The following PCCB variants were observed in gnomAD, a reference collection of about 807,000 sequenced individuals.
The protein encoded by PCCB is propionyl-CoA carboxylase beta chain, mitochondrial.
A neutral mutation model predicts 60.7 loss-of-function variants in PCCB; 43 were observed. That is an observed-to-expected ratio of 0.71 (90% confidence interval 0.55 to 0.91). The LOEUF is 0.91. Ranked by LOEUF, PCCB falls within the 40% of genes least tolerant of loss-of-function variation. PCCB has a pLI of 0.00. For missense variants in PCCB, 766 were observed against 702.8 expected (o/e 1.09, Z -1.02); for synonymous variants, 276 against 255.9 (o/e 1.08, Z -0.75).
chr3:136,295,633 T>C (rs796951007), intron 7 of PCCB, among the ~76,000 whole-genome samples: 6 of 152,294 alleles, frequency 3.9e-5, no homozygotes, highest in African/African-American at 1.4e-4. Context: ...TGTTTATTTT[T>C]CCCCATTTTA....
intron 1 of PCCB, 47 bp downstream of exon 1, chr3:136,250,605 C>T: frequency 6.4e-7 from 1 of 1,556,348 alleles, no homozygotes. Flanking sequence ...GCGTCCGCGA[C>T]CTATCACTGC....
chr3:136,261,840 G>C, intron 4 of PCCB, 112 bp from the exon 5 acceptor site: 1 of 748,250 alleles, frequency 1.3e-6, no homozygotes, highest in South Asian at 1.5e-5. Flanking sequence ...ACTGCCTCCT[G>C]TTTTGAAAAG....
chr3:136,319,311 C>T (rs1935025722), intron 10 of PCCB, among the ~76,000 whole-genome samples: 1 of 150,830 alleles, frequency 6.6e-6, no homozygotes, highest in African/African-American at 2.4e-5. Context: ...TAAACTCTTA[C>T]ATTTGACTTA....
Position 136,301,061 on chromosome 3 carries a change from G to A in PCCB, c.916G>A (p.Val306Ile), listed in dbSNP as rs774634219. ...DRLVPELDTI[V>I]PLESTKAYNM... Reference sequence around the variant, plus strand: ...TCTGGTTCCTGAGCTTGACACAATTGTCCCTTTGGAATCAACCAAAGCCTA... The same window carrying A: ...TCTGGTTCCTGAGCTTGACACAATTATCCCTTTGGAATCAACCAAAGCCTA... Residue 306 changes from valine to isoleucine, a missense_variant, in exon 9 of 15, where the codon GTC (valine) becomes ATC (isoleucine). Physicochemically the swap from Val to Ile is conservative, Grantham distance 29 (BLOSUM62 3). Transcript: ENST00000251654. 6.2e-7 allele frequency: 1 copy of A among 1,614,030 alleles called. No individual in the cohort carries two copies. The highest frequency in any genetic ancestry group is 1.1e-5 in the South Asian group (1 of 91,076).
intron 1 of PCCB, among the ~76,000 whole-genome samples, chr3:136,254,214 TTTTTTGTTTG>T (rs1278563264): frequency 6.6e-6 from 1 of 151,516 alleles, no homozygotes; most frequent in Non-Finnish European, 1.5e-5. Flanking sequence ...ATGGCGGCTT[TTTTTTGTTTG>T]TTTTTGTTTT....
chr3:136,255,895 G>A lies in PCCB; in HGVS notation c.223G>A (p.Asp75Asn). The part of the protein sequence containing the change: ...TARERISLLL[D>N]PGSFVESDMF... ...CAGGGAGAGGATCAGTCTCTTGCTGGACCCTGGCAGCTTTGTTGAGAGCGA... is the reference window on the plus strand; with the variant it reads ...CAGGGAGAGGATCAGTCTCTTGCTGAACCCTGGCAGCTTTGTTGAGAGCGA... The change falls in exon 2 of 15, where the codon GAC (aspartate) becomes AAC (asparagine). Residue 75 changes from aspartate (D) to asparagine (N), a missense_variant. Coordinates refer to ENST00000251654, the MANE Select transcript of PCCB (RefSeq NM_000532.5). 2 of 1,614,096 alleles carry A rather than the reference G, an allele frequency of 1.2e-6. No homozygotes were observed. Among genetic ancestry groups the A allele is most frequent in the Non-Finnish European group, 1.7e-6 (2 of 1,179,982 alleles).
At chr3:136,308,121 A>G (rs556221885) in intron 9 of PCCB, among the ~76,000 whole-genome samples, 63 of 152,296 alleles carry the variant, frequency 4.1e-4, no homozygotes, top group African/African-American at 1.4e-3. Context: ...CAGAAAGGCT[A>G]AAAATAAGGA....
intron 5 of PCCB, among the ~76,000 whole-genome samples, chr3:136,266,667 A>G (rs1469867959): frequency 3.3e-5 from 5 of 152,186 alleles, no homozygotes; most frequent in African/African-American, 1.2e-4. Flanking sequence ...CAGATGACTA[A>G]TCATGTTGAG....
At position 136,255,879 on chromosome 3, in the gene PCCB, G is replaced by C. The variant is rs766168941; in HGVS notation, c.207G>C (p.Arg69Ser). The change falls in exon 2 of 15, where the codon AGG (arginine) becomes AGC (serine). Residue 69 changes from arginine (R) to serine (S), a missense_variant. Coordinates refer to ENST00000251654, the MANE Select transcript of PCCB (RefSeq NM_000532.5). ...AGGGAAAGCTAACAGCCAGGGAGAG[G>C]ATCAGTCTCTTGCTGGACCCTGGCA... ...HKRGKLTARERISLLLDPGSF... is the reference protein window; with the variant it reads ...HKRGKLTARESISLLLDPGSF... 6.2e-7 allele frequency: 1 copy of C among 1,613,988 alleles called. No individual in the cohort carries two copies. Among genetic ancestry groups the C allele is most frequent in the African/African-American group, 1.3e-5 (1 of 74,988 alleles).
intron 4 of PCCB, among the ~76,000 whole-genome samples, chr3:136,261,004 C>T (rs901258977): frequency 1.3e-5 from 2 of 152,044 alleles, no homozygotes; most frequent in African/African-American, 4.8e-5. Context: ...TTGCCTATAT[C>T]AATAATGAAG....
At chr3:136,317,135 T>C (rs1408043541) in intron 10 of PCCB, 71 bp downstream of exon 10, 1 of 1,544,072 alleles carries the variant, frequency 6.5e-7, no homozygotes. Context: ...ATGGTATCCT[T>C]TCTGTCTTTT....
At chr3:136,257,266 T>C (rs1006188099) in intron 3 of PCCB, among the ~76,000 whole-genome samples, 3 of 152,158 alleles carry the variant, frequency 2.0e-5, no homozygotes, top group African/African-American at 4.8e-5. Flanking sequence ...GGATGTGATA[T>C]GAGAAGGACA....
chr3:136,250,401 C>A lies in PCCB; in HGVS notation c.26C>A (p.Ala9Glu). 6.5e-7 allele frequency: 1 copy of A among 1,540,632 alleles called. No homozygotes were observed. The highest frequency in any genetic ancestry group is 8.8e-7 in the Non-Finnish European group (1 of 1,140,632). ...ATGGCGGCGGCATTACGGGTGGCGGCGGTCGGGGCAAGGCTCAGCGTTCTG... is the reference window on the plus strand; with the variant it reads ...ATGGCGGCGGCATTACGGGTGGCGGAGGTCGGGGCAAGGCTCAGCGTTCTG... The part of the protein sequence containing the change: MAAALRVA[A>E]VGARLSVLAS... Residue 9 changes from alanine to glutamate, a missense_variant, in exon 1 of 15, where the codon GCG becomes GAG. Transcript: ENST00000251654.
At position 136,274,824 on chromosome 3, in the gene PCCB, C is replaced by CT. The variant is rs796392217; in HGVS notation, c.544-9000dup. ...TGGAAGCTTTGTTCATTTCTTCTTT[C>CT]TTTTTTTTTTTTTCTTTCTTGAGAT... On this transcript the variant is annotated intron_variant, in intron 5 of 14. Transcript: ENST00000251654. 5.4e-3 allele frequency among the ~76,000 whole-genome samples: 778 copies of CT among 145,224 alleles called. 2 individuals carry two copies. The highest frequency in any genetic ancestry group is 0.023 in the East Asian group (118 of 5,022).
chr3:136,324,754 G>GTGTC (rs1361541912), intron 10 of PCCB, among the ~76,000 whole-genome samples: 1 of 152,166 alleles, frequency 6.6e-6, no homozygotes, highest in African/African-American at 2.4e-5. Flanking sequence ...TGTGTTCCTT[G>GTGTC]TGTCAGTCCT....
At chr3:136,256,201 C>T (rs1941667146) in intron 2 of PCCB, 2 of 614,432 alleles carry the variant, frequency 3.3e-6, no homozygotes, top group South Asian at 2.0e-5. Flanking sequence ...CCTCGGACTC[C>T]CAAAGTGTTG....
chr3:136,297,782 C>CG (rs2108202476), intron 7 of PCCB, among the ~76,000 whole-genome samples, 170 bp from the exon 8 acceptor site: 1 of 152,216 alleles, frequency 6.6e-6, no homozygotes, highest in East Asian at 1.9e-4. Context: ...AAGGATCACC[C>CG]GGAAGGTATG....
chr3:136,319,417 C>T (rs577858535), intron 10 of PCCB, among the ~76,000 whole-genome samples: 87 of 148,430 alleles, frequency 5.9e-4, no homozygotes, highest in Admixed American at 3.5e-3. Flanking sequence ...TGGAGTCTCG[C>T]GCTCTCTTGC....
At position 136,327,626 on chromosome 3, in the gene PCCB, T is replaced by G; in HGVS notation, c.1300-8T>G. On this transcript the variant is annotated splice_polypyrimidine_tract_variant and splice_region_variant and intron_variant, in intron 12 of 14. Coordinates refer to ENST00000251654, the MANE Select transcript of PCCB (RefSeq NM_000532.5). ...GGCTCTAACACTCAGCATTTGGATCTGTTTTAGGCCTATGGAGGTGCCTAT... is the reference window on the plus strand; with the variant it reads ...GGCTCTAACACTCAGCATTTGGATCGGTTTTAGGCCTATGGAGGTGCCTAT... The G allele has an allele frequency of 6.2e-7, 1 of 1,602,948 alleles. No individual in the cohort carries two copies. The highest frequency in any genetic ancestry group is 1.3e-5 in the African/African-American group (1 of 74,844).
Sources: gnomAD v4.1 joint callset for allele counts (sites outside exome capture counted in the v4.1 genomes callset) on GRCh38, gnomAD v4.1.1 for gene constraint, MANE v1.5 for transcripts, NCBI Gene and HGNC (gene_info 2026-07-23, HGNC 2026-07-21) for gene names.